KRT77: variants seen among roughly 807,000 people sequenced by gnomAD.
The protein encoded by KRT77 is keratin 77, also known as keratin, type II cytoskeletal 1b.
In KRT77, 44 loss-of-function variants were observed where a neutral mutation model predicts 51.5. The observed-to-expected ratio is 0.85, with a 90% confidence interval of 0.67 to 1.10. The LOEUF (loss-of-function observed/expected upper bound fraction) is 1.10, where lower values mean the gene tolerates loss of function less well. Among genes scored for constraint, KRT77 ranks in the 50% least tolerant of loss-of-function variants. The pLI is 0.00. For missense variants in KRT77, 763 were observed against 743.9 expected (o/e 1.03, Z -0.30); for synonymous variants, 293 against 302.0 (o/e 0.97, Z 0.31).
At chr12:52,692,347 T>C in intron 7 of KRT77, 74 bp downstream of exon 7, 1 of 1,530,918 alleles carries the variant, frequency 6.5e-7, no homozygotes. Context: ...TTATCTTTTC[T>C]CCAAATAGCC....
At chr12:52,693,867 C>A (rs1292177587) in intron 5 of KRT77, among the ~76,000 whole-genome samples, 1 of 138,034 alleles carries the variant, frequency 7.2e-6, no homozygotes, top group East Asian at 1.9e-4. Flanking sequence ...CAAAACCCTG[C>A]CACTACTAAA....
rs1297757879 is a variant in KRT77, at chr12:52,692,646, T to C, written c.1207-5A>G. On this transcript the variant is annotated splice_region_variant and splice_polypyrimidine_tract_variant and intron_variant, in intron 6 of 8. Coordinates refer to ENST00000341809, the MANE Select transcript of KRT77 (RefSeq NM_175078.3). ...GAGTGACTGCATCTGTTCAATCTGC[T>C]CCAGAGACAGTTGGAGACCATTTAA... is the stretch of plus-strand genomic sequence containing the variant. The C allele has an allele frequency of 5.0e-6, 8 of 1,598,076 alleles. No individual in the cohort carries two copies. Among genetic ancestry groups the C allele is most frequent in the South Asian group, 1.1e-5 (1 of 90,702 alleles).
chr12:52,695,746 G>A (rs1268072489), intron 4 of KRT77, 26 bp downstream of exon 4: 2 of 1,502,710 alleles, frequency 1.3e-6, no homozygotes, highest in Non-Finnish European at 1.9e-6. Flanking sequence ...GAAAAGAAAG[G>A]AGGTTCTTAT....
intron 3 of KRT77, 116 bp downstream of exon 3, chr12:52,696,254 C>T: frequency 1.1e-6 from 1 of 928,176 alleles, no homozygotes; most frequent in Non-Finnish European, 1.8e-6. Context: ...GCATCATACA[C>T]AGCAAGCCGG....
At chr12:52,691,996 A>G (rs775513321) in intron 7 of KRT77, 24 bp from the exon 8 acceptor site, 2 of 1,613,638 alleles carry the variant, frequency 1.2e-6, no homozygotes, top group Admixed American at 3.3e-5. Flanking sequence ...GCACACGGTC[A>G]GCCAGACCCA....
intron 1 of KRT77, among the ~76,000 whole-genome samples, chr12:52,699,176 C>T (rs145741923): frequency 6.6e-6 from 1 of 152,348 alleles, no homozygotes; most frequent in East Asian, 1.9e-4. Context: ...TCTATTTTTA[C>T]TCTGTGGTGG....
At position 52,694,666 on chromosome 12, in the gene KRT77, T is replaced by C; in HGVS notation, c.1040A>G (p.Gln347Arg). Residue 347 changes from glutamine to arginine, a missense_variant, in exon 5 of 9, where the codon CAG (glutamine) becomes CGG (arginine). By Grantham distance (43) the Gln-to-Arg change is conservative. Coordinates refer to ENST00000341809, the MANE Select transcript of KRT77 (RefSeq NM_175078.3). Reference protein sequence around the residue: ...AVRTQYELIAQRSKDEAEALY... With the variant: ...AVRTQYELIARRSKDEAEALY... The stretch of plus-strand genomic sequence containing the variant: ...GGCTTCGGCCTCGTCCTTGCTCCTC[T>C]GTGCAATCAGTTCATACTGGGTCCG... The C allele has an allele frequency of 6.2e-7, 1 of 1,612,326 alleles. No homozygotes were observed. The highest frequency in any genetic ancestry group is 8.5e-7 in the Non-Finnish European group (1 of 1,178,796).
intron 1 of KRT77, 99 bp from the exon 2 acceptor site, chr12:52,697,995 A>G: frequency 7.0e-7 from 1 of 1,420,744 alleles, no homozygotes. Flanking sequence ...CAGACCTCAG[A>G]GAATCAGGAT....
At position 52,692,620 on chromosome 12, in the gene KRT77, T is replaced by C; in HGVS notation, c.1228A>G (p.Ile410Val). 6.2e-7 allele frequency: 1 copy of C among 1,602,772 alleles called. No homozygotes were observed. Among genetic ancestry groups the C allele is most frequent in the East Asian group, 2.2e-5 (1 of 44,854 alleles). The change falls in exon 7 of 9, where the codon ATT becomes GTT. Residue 410 changes from isoleucine to valine, a missense_variant. Ile to Val is a conservative substitution (Grantham distance 29). Coordinates refer to ENST00000341809, the MANE Select transcript of KRT77 (RefSeq NM_175078.3). The part of the protein sequence containing the change: ...KKQIEQMQSL[I>V]SDAEERGEQA... ...TCGCCTCTCTCCTCAGCATCCGAAA[T>C]GAGTGACTGCATCTGTTCAATCTGC...
chr12:52,702,012 C>A (rs913339273), intron 1 of KRT77, among the ~76,000 whole-genome samples: 12 of 152,290 alleles, frequency 7.9e-5, no homozygotes, highest in Admixed American at 7.2e-4. Flanking sequence ...GCTTTCATGC[C>A]TCCTGGTCCT....
At chr12:52,701,313 G>A (rs937431970) in intron 1 of KRT77, among the ~76,000 whole-genome samples, 2 of 152,192 alleles carry the variant, frequency 1.3e-5, no homozygotes, top group Non-Finnish European at 2.9e-5. Flanking sequence ...CAGCATGATC[G>A]GAAGCCACGG....
In KRT77 at chr12:52,697,690, G is replaced by A; in HGVS notation, c.750C>T (p.Tyr250=). The stretch of plus-strand genomic sequence containing the variant: ...CCTGCCTGGAGTCTCACTTGCTCTT[G>A]TAGTCCTCCACGACATCCTGCATGC... The part of the protein sequence containing the change: ...VRSMQDVVED[Y]KSKYEDEINK... The change falls in exon 2 of 9, where the codon TAC becomes TAT. Residue 250 remains tyrosine, a synonymous_variant. Coordinates refer to ENST00000341809, the MANE Select transcript of KRT77 (RefSeq NM_175078.3). 1 of 1,610,356 alleles carries A rather than the reference G, an allele frequency of 6.2e-7. No individual in the cohort carries two copies. The highest frequency in any genetic ancestry group is 1.1e-5 in the South Asian group (1 of 91,000).
At chr12:52,699,549 T>G (rs1941853041) in intron 1 of KRT77, among the ~76,000 whole-genome samples, 1 of 152,212 alleles carries the variant, frequency 6.6e-6, no homozygotes, top group Non-Finnish European at 1.5e-5. Context: ...GCAGCTCAGC[T>G]AGCACCGATG....
At chr12:52,696,188 G>A (rs988133314) in intron 3 of KRT77, among the ~76,000 whole-genome samples, 182 bp downstream of exon 3, 4 of 152,130 alleles carry the variant, frequency 2.6e-5, no homozygotes, top group African/African-American at 9.7e-5. Context: ...ACGAACTCAA[G>A]GCTTCCTGAA....
chr12:52,695,748 G>A (rs368099314), intron 4 of KRT77, 24 bp downstream of exon 4: 2 of 1,526,422 alleles, frequency 1.3e-6, no homozygotes, highest in Non-Finnish European at 1.8e-6. Flanking sequence ...AAAGAAAGGA[G>A]GTTCTTATAA....
intron 1 of KRT77, among the ~76,000 whole-genome samples, chr12:52,702,437 A>G (rs985956059): frequency 1.3e-5 from 2 of 150,166 alleles, no homozygotes; most frequent in Non-Finnish European, 3.0e-5. Context: ...GTGTGTGTGT[A>G]TAAATGGATT....
Position 52,702,785 on chromosome 12 carries a change from C to A in KRT77, c.543+107G>T, listed in dbSNP as rs1707858. ...AAATGGGTAAATGATTTTCTAAGGTCCCAGGTCAAGCTGAAACAGCACGAT... is the reference window on the plus strand; with the variant it reads ...AAATGGGTAAATGATTTTCTAAGGTACCAGGTCAAGCTGAAACAGCACGAT... On this transcript the variant is annotated intron_variant, in intron 1 of 8. Coordinates refer to ENST00000341809, the MANE Select transcript of KRT77 (RefSeq NM_175078.3). 0.045 allele frequency: 51,288 copies of A among 1,137,930 alleles called. 1,528 individuals carry two copies. The highest frequency in any genetic ancestry group is 0.094 in the East Asian group (3,968 of 42,216). The allele number at this position is 1,137,930 out of a possible 1,614,324, so 70.5% of individuals were successfully genotyped here. A position where few individuals can be genotyped will look rare whatever the true frequency, so the allele number is the denominator to read the frequency against.
At chr12:52,694,155 C>T (rs1334114223) in intron 5 of KRT77, among the ~76,000 whole-genome samples, 4 of 152,086 alleles carry the variant, frequency 2.6e-5, no homozygotes, top group African/African-American at 4.8e-5. Flanking sequence ...TTTAATTAAG[C>T]TCTGGCTCTG....
Position 52,697,916 on chromosome 12 carries a change from G to T in KRT77, c.544-20C>A, listed in dbSNP as rs1178438423. 1.9e-6 allele frequency: 3 copies of T among 1,608,036 alleles called. No individual in the cohort carries two copies. Among genetic ancestry groups the T allele is most frequent in the African/African-American group, 2.7e-5 (2 of 74,740 alleles). ...TCGCACCTAAGAGCAAGAGACCCCA[G>T]TCCACCCCAGGCCATGGATCAGAGC... On this transcript the variant is annotated intron_variant, in intron 1 of 8. Coordinates refer to ENST00000341809, the MANE Select transcript of KRT77 (RefSeq NM_175078.3).
Sources: gnomAD v4.1 joint callset for allele counts (sites outside exome capture counted in the v4.1 genomes callset) on GRCh38, gnomAD v4.1.1 for gene constraint, MANE v1.5 for transcripts, NCBI Gene and HGNC (gene_info 2026-07-23, HGNC 2026-07-21) for gene names.